The following ABCB9 variants were observed in gnomAD, a reference collection of about 807,000 sequenced individuals.
The protein encoded by ABCB9 is ATP binding cassette subfamily B member 9.
A neutral mutation model predicts 62.0 loss-of-function variants in ABCB9; 36 were observed. The observed-to-expected ratio is 0.58, with a 90% CI of 0.45 to 0.77. The LOEUF (loss-of-function observed/expected upper bound fraction) is 0.77, where lower values mean the gene tolerates loss of function less well. Among genes scored for constraint, ABCB9 ranks in the 30% least tolerant of loss-of-function variants. ABCB9 has a pLI of 0.00. For synonymous variants in ABCB9, 435 were observed against 461.4 expected (o/e 0.94, Z 0.73); for missense variants, 943 against 1,054.7 (o/e 0.89, Z 1.47).
At chr12:122,921,129 G>T in intron 11 of ABCB9, 1 of 1,414,482 alleles carries the variant, frequency 7.1e-7, no homozygotes, top group South Asian at 1.2e-5. Flanking sequence ...AATTTAAAAT[G>T]GTTGGCTGGG....
At chr12:122,951,640 T>G (rs2036373266) in intron 2 of ABCB9, 1 of 152,188 alleles carries the variant, frequency 6.6e-6, no homozygotes. Flanking sequence ...TTCTGGAACC[T>G]CAGAAGACGT....
At chr12:122,941,348 C>T (rs568215085) in intron 7 of ABCB9, among the ~76,000 whole-genome samples, 32 of 149,334 alleles carry the variant, frequency 2.1e-4, no homozygotes, top group Middle Eastern at 3.2e-3. Flanking sequence ...CTCCCTCTGT[C>T]GCCCAGGCTG....
chr12:122,938,523 C>A (rs2035571602), intron 9 of ABCB9, among the ~76,000 whole-genome samples: 1 of 151,386 alleles, frequency 6.6e-6, no homozygotes, highest in African/African-American at 2.4e-5. Context: ...CAGAGGGAGA[C>A]CCTTTCTCAA....
downstream of ABCB9, among the ~76,000 whole-genome samples, chr12:122,919,420 C>A (rs1371384121): frequency 6.6e-6 from 1 of 152,178 alleles, no homozygotes; most frequent in Non-Finnish European, 1.5e-5. Flanking sequence ...AATCCTCCCG[C>A]CTCAGCCTCC....
intron 11 of ABCB9, among the ~76,000 whole-genome samples, chr12:122,923,320 C>T (rs1419721701): frequency 1.3e-5 from 2 of 152,188 alleles, no homozygotes; most frequent in Non-Finnish European, 2.9e-5. Context: ...CGGAGTCTCG[C>T]TCTGTCGCCC....
rs1297548141 is a variant in ABCB9, at chr12:122,959,921, T to C, written c.315A>G (p.Ser105=). ...IYAMVKLLLF[S]EVRRPIRDPW... ...GGTCCCGGATGGGCCTGCGCACCTCTGAGAAGAGCAGCAGCTTCACCATGG... is the reference window on the plus strand; with the variant it reads ...GGTCCCGGATGGGCCTGCGCACCTCCGAGAAGAGCAGCAGCTTCACCATGG... Residue 105 remains serine, a synonymous_variant, in exon 2 of 12, where the codon TCA becomes TCG. Transcript: ENST00000280560. The surrounding 1 kb of genome is among the most constrained non-coding windows in gnomAD (Gnocchi z 5.4). The C allele has an allele frequency of 1.2e-6, 2 of 1,613,392 alleles. No individual in the cohort carries two copies. The highest frequency in any genetic ancestry group is 3.3e-5 in the Admixed American group (2 of 60,028).
chr12:122,927,993 C>A (rs973939515), downstream of ABCB9, among the ~76,000 whole-genome samples: 7 of 152,176 alleles, frequency 4.6e-5, no homozygotes, highest in African/African-American at 1.7e-4. Context: ...ACCAAGGTTG[C>A]AAGTTCCCCT....
rs1447028386 is a variant in ABCB9 at position 122,947,691 on chromosome 12, G to C, written c.1053+933C>G. 3.6e-6 allele frequency: 1 copy of C among 274,462 alleles called. No homozygotes were observed. The highest frequency in any genetic ancestry group is 3.0e-5 in the South Asian group (1 of 33,394). 17.0% of individuals were successfully genotyped at this position (274,462 alleles called of 1,614,324 possible). On this transcript the variant is annotated intron_variant, in intron 5 of 11. Coordinates refer to ENST00000280560, the MANE Select transcript of ABCB9 (RefSeq NM_019625.4). The surrounding 1 kb of genome is among the most constrained non-coding windows in gnomAD (Gnocchi z 6.0). The stretch of plus-strand genomic sequence containing the variant: ...CAAACCTGGCTCACGGCCCTAGCTC[G>C]GAAGCAGAAGCAGTGCCGTGGGGTG...
chr12:122,953,227 T>C (rs1438980057), intron 2 of ABCB9: 1 of 152,072 alleles, frequency 6.6e-6, no homozygotes, highest in African/African-American at 2.4e-5. Context: ...TTTTTTTTTT[T>C]TTTGAGATGG....
At chr12:122,955,904 G>T (rs1330356716) in intron 2 of ABCB9, among the ~76,000 whole-genome samples, 2 of 152,026 alleles carry the variant, frequency 1.3e-5, no homozygotes, top group Non-Finnish European at 2.9e-5. Flanking sequence ...TAGAGACGGG[G>T]TTTTGCCATA....
chr12:122,960,221 C>A lies in ABCB9; in HGVS notation c.15G>T (p.Lys5Asn). Residue 5 changes from lysine to asparagine, a missense_variant, in exon 2 of 12, where the codon AAG (lysine) becomes AAT (asparagine). Coordinates refer to ENST00000280560, the MANE Select transcript of ABCB9 (RefSeq NM_019625.4). The stretch of plus-strand genomic sequence containing the variant: ...TGAAGGCCAAAGTCACCACCACCGC[C>A]TTCCACAGCCGCATCCTGCTGGTTG... The part of the protein sequence containing the change: MRLW[K>N]AVVVTLAFMS... 1 of 1,611,600 alleles carries A rather than the reference C, an allele frequency of 6.2e-7. No homozygotes were observed. The highest frequency in any genetic ancestry group is 8.5e-7 in the Non-Finnish European group (1 of 1,178,710).
intron 1 of ABCB9, among the ~76,000 whole-genome samples, chr12:122,972,098 GCA>G (rs2135943432): frequency 7.6e-6 from 1 of 130,842 alleles, no homozygotes; most frequent in East Asian, 2.3e-4. Context: ...AGGCTGGAGT[GCA>G]GTGGTGCAAT....
In ABCB9 at chr12:122,929,880, C is replaced by G; in HGVS notation, c.*31G>C. ...ATCTGCCAGGCAGGCACCGGGTCCT[C>G]TGCCCCACCGGGAGAAGCAGGGGCC... On this transcript the variant is annotated 3_prime_UTR_variant, in exon 12 of 12. Transcript: ENST00000280560. This position sits in a 1 kb window ranked among gnomAD's most constrained non-coding sequence, Gnocchi z 6.0. The G allele has an allele frequency of 6.6e-7, 1 of 1,507,584 alleles. No individual in the cohort carries two copies. Among genetic ancestry groups the G allele is most frequent in the South Asian group, 1.3e-5 (1 of 78,170 alleles). The allele number at this position is 1,507,584 out of a possible 1,614,324, so 93.4% of individuals were successfully genotyped here.
At chr12:122,972,260 G>A (rs960606092) in intron 1 of ABCB9, among the ~76,000 whole-genome samples, 2 of 151,894 alleles carry the variant, frequency 1.3e-5, no homozygotes, top group Non-Finnish European at 2.9e-5. Context: ...TGATCCACCC[G>A]CCTTGGCCTC....
chr12:122,931,833 G>T, intron 11 of ABCB9: 3 of 273,472 alleles, frequency 1.1e-5, no homozygotes, highest in Non-Finnish European at 2.1e-5. Context: ...TAGTAGAGAT[G>T]GGGTTTCACC....
upstream of ABCB9, among the ~76,000 whole-genome samples, chr12:122,969,825 A>G (rs1292315722): frequency 2.6e-5 from 4 of 152,168 alleles, no homozygotes; most frequent in Non-Finnish European, 5.9e-5. Context: ...CAATACACAC[A>G]CACTAGAATA....
At position 122,940,747 on chromosome 12, in the gene ABCB9, T is replaced by C; in HGVS notation, c.1569+60A>G. On this transcript the variant is annotated intron_variant, in intron 8 of 11. Transcript: ENST00000280560. The surrounding 1 kb of genome is among the most constrained non-coding windows in gnomAD (Gnocchi z 4.8). ...CTGCCACAGCCTGGTGTATAGGAGG[T>C]GCACCAGAAATGGGGTGACGGAAAG... 6 of 1,488,298 alleles carry C rather than the reference T, an allele frequency of 4.0e-6. No homozygotes were observed. The highest frequency in any genetic ancestry group is 2.7e-5 in the South Asian group (2 of 74,740). 92.2% of individuals were successfully genotyped at this position (1,488,298 alleles called of 1,614,324 possible). A position where few individuals can be genotyped will look rare whatever the true frequency, so the allele number is the denominator to read the frequency against.
chr12:122,941,109 G>T, intron 7 of ABCB9, 114 bp from the exon 8 acceptor site: 2 of 1,197,988 alleles, frequency 1.7e-6, no homozygotes, highest in Non-Finnish European at 2.3e-6. Flanking sequence ...GCGGGGAGAT[G>T]CAGGAGGCCA....
chr12:122,960,885 GCAAACAAA>G (rs200323765), intron 1 of ABCB9, among the ~76,000 whole-genome samples: 6,420 of 151,704 alleles, frequency 0.042, 178 homozygotes, highest in East Asian at 0.16. Context: ...TCTTTAAAAA[GCAAACAAA>G]CAAACAAACA....
Sources: gnomAD v4.1 joint callset for allele counts (sites outside exome capture counted in the v4.1 genomes callset) on GRCh38, gnomAD v4.1.1 for gene constraint, Gnocchi (gnomAD v3.1) non-coding constraint, MANE v1.5 for transcripts, NCBI Gene and HGNC (gene_info 2026-07-23, HGNC 2026-07-21) for gene names.